The following CSMD1 variants were observed in gnomAD, a reference collection of about 807,000 sequenced individuals.
The protein encoded by CSMD1 is CUB and Sushi multiple domains 1, also known as CUB and sushi domain-containing protein 1.
CSMD1 carries 213 observed loss-of-function variants against 417.5 expected under a neutral mutation model. The observed-to-expected ratio is 0.51, with a 90% CI of 0.46 to 0.57. CSMD1 has a LOEUF of 0.57. CSMD1 is among the 20% of genes least tolerant of loss of function. The pLI is 0.00. For missense variants in CSMD1, 6,923 were observed against 4,529.7 expected (o/e 1.53, Z -15.17); for synonymous variants, 2,862 against 1,736.8 (o/e 1.65, Z -16.11).
At chr8:3,023,884 T>A (rs1270348994) in intron 51 of CSMD1, among the ~76,000 whole-genome samples, 1 of 149,308 alleles carries the variant, frequency 6.7e-6, no homozygotes, top group Non-Finnish European at 1.5e-5. Context: ...AAATGACTGC[T>A]CCTTACCTGC....
intron 2 of CSMD1, among the ~76,000 whole-genome samples, chr8:4,499,159 A>G (rs1802126339): frequency 6.6e-6 from 1 of 152,220 alleles, no homozygotes; most frequent in African/African-American, 2.4e-5. Flanking sequence ...ACCAACAGGA[A>G]GATGCCATCA....
chr8:2,957,686 T>G lies in CSMD1; in HGVS notation c.9814+10A>C. Reference sequence around the variant, plus strand: ...TGACTTGTGATGGGGGTGGAAGAAATCACACTTACGTATACATTCGGTCTG... The same window carrying G: ...TGACTTGTGATGGGGGTGGAAGAAAGCACACTTACGTATACATTCGGTCTG... On this transcript the variant is annotated intron_variant, in intron 63 of 69. Coordinates refer to ENST00000635120, the MANE Select transcript of CSMD1 (RefSeq NM_033225.6). 4 of 1,533,430 alleles carry G rather than the reference T, an allele frequency of 2.6e-6. No individual in the cohort carries two copies. The highest frequency in any genetic ancestry group is 8.9e-7 in the Non-Finnish European group (1 of 1,121,884). 95.0% of individuals were successfully genotyped at this position (1,533,430 alleles called of 1,614,324 possible). A position where few individuals can be genotyped will look rare whatever the true frequency, so the allele number is the denominator to read the frequency against.
intron 1 of CSMD1, among the ~76,000 whole-genome samples, chr8:4,745,698 C>A (rs1478617541): frequency 6.6e-6 from 1 of 152,166 alleles, no homozygotes; most frequent in Non-Finnish European, 1.5e-5. Context: ...TTCTTAGCTA[C>A]TGAGGGCTAT....
chr8:3,157,270 T>C (rs1819594967), intron 39 of CSMD1, among the ~76,000 whole-genome samples: 2 of 152,086 alleles, frequency 1.3e-5, no homozygotes, highest in Non-Finnish European at 2.9e-5. Context: ...TCACCAACCT[T>C]TGTACTGAGG....
At chr8:4,707,886 C>CAAAAAAAAAA (rs552510236) in intron 1 of CSMD1, among the ~76,000 whole-genome samples, 23 of 100,848 alleles carry the variant, frequency 2.3e-4, no homozygotes, top group South Asian at 7.3e-4. Flanking sequence ...GACTTTGTTT[C>CAAAAAAAAAA]AAAAAAAAAA....
rs748094912 is a variant in CSMD1 at position 4,304,305 on chromosome 8, T to G, written c.415+115648A>C. ...CGGGTAACATGTTCAATATAGAATATATAGAAGATATTTATTTTGTATGTC... is the reference window on the plus strand; with the variant it reads ...CGGGTAACATGTTCAATATAGAATAGATAGAAGATATTTATTTTGTATGTC... On this transcript the variant is annotated intron_variant, in intron 3 of 69. Transcript: ENST00000635120. Among the ~76,000 whole-genome samples the G allele has an allele frequency of 2.0e-5, 3 of 152,230 alleles. No individual in the cohort carries two copies. The South Asian group carries it at 6.2e-4, about 31-fold the overall frequency.
chr8:3,003,723 G>T (rs1807629672), intron 52 of CSMD1, among the ~76,000 whole-genome samples: 1 of 152,164 alleles, frequency 6.6e-6, no homozygotes, highest in African/African-American at 2.4e-5. Flanking sequence ...GACCTAGCAG[G>T]CTGGGAACGA....
chr8:3,840,816 C>A (rs1803087964), intron 5 of CSMD1, among the ~76,000 whole-genome samples: 1 of 151,742 alleles, frequency 6.6e-6, no homozygotes, highest in Non-Finnish European at 1.5e-5. Flanking sequence ...CTGTCTCAAC[C>A]TTCCAAGTAG....
intron 5 of CSMD1, among the ~76,000 whole-genome samples, chr8:3,918,421 G>C (rs942977742): frequency 4.6e-5 from 7 of 152,016 alleles, no homozygotes; most frequent in Non-Finnish European, 1.0e-4. Flanking sequence ...TTGTGGTTTT[G>C]ATTTGCGTTT....
chr8:4,873,172 T>C (rs79622938), intron 1 of CSMD1, among the ~76,000 whole-genome samples: 2,395 of 152,200 alleles, frequency 0.016, 78 homozygotes, highest in African/African-American at 0.056. Context: ...CATTTCAAAA[T>C]GATAGGAGGT....
At chr8:4,927,333 C>G (rs1222050566) in intron 1 of CSMD1, among the ~76,000 whole-genome samples, 1 of 152,036 alleles carries the variant, frequency 6.6e-6, no homozygotes, top group Non-Finnish European at 1.5e-5. Context: ...GGTAGGATTA[C>G]AGGTATGAGC....
intron 2 of CSMD1, among the ~76,000 whole-genome samples, chr8:4,564,414 G>A (rs1236605168): frequency 6.6e-6 from 1 of 152,150 alleles, no homozygotes; most frequent in African/African-American, 2.4e-5. Context: ...TCTGGACAGT[G>A]GAAATTCAAG....
chr8:4,201,337 G>T (rs538319955), intron 3 of CSMD1, among the ~76,000 whole-genome samples: 3 of 151,976 alleles, frequency 2.0e-5, no homozygotes, highest in African/African-American at 7.2e-5. Flanking sequence ...AGGAGATCGA[G>T]ACCATCTTGG....
At chr8:4,905,773 T>G (rs188072751) in intron 1 of CSMD1, among the ~76,000 whole-genome samples, 2 of 147,936 alleles carry the variant, frequency 1.4e-5, no homozygotes, top group Non-Finnish European at 3.0e-5. Context: ...TGAGCCGAGA[T>G]TGTGCCACTG....
rs553361742 is a variant in CSMD1 at position 4,746,434 on chromosome 8, G to GA, written c.86-108877dup. 8.5e-5 allele frequency among the ~76,000 whole-genome samples: 13 copies of GA among 152,282 alleles called. No individual in the cohort carries two copies. The South Asian group carries it at 2.7e-3, about 32-fold the overall frequency. ...ATGCAGCATTTTCTTCTTGCGAATG[G>GA]AAGTGGACTTGCTCACCACAATATC... On this transcript the variant is annotated intron_variant, in intron 1 of 69. Transcript: ENST00000635120.
intron 1 of CSMD1, among the ~76,000 whole-genome samples, chr8:4,907,605 G>C (rs1325768971): frequency 1.3e-5 from 2 of 152,078 alleles, no homozygotes; most frequent in Admixed American, 6.6e-5. Context: ...TGTTACCCAA[G>C]CTGAAGTGCA....
chr8:4,325,402 G>A (rs944007420), intron 3 of CSMD1, among the ~76,000 whole-genome samples: 2 of 152,120 alleles, frequency 1.3e-5, no homozygotes, highest in Non-Finnish European at 2.9e-5. Context: ...ACTGTGATCT[G>A]CCTTAGAAGG....
intron 2 of CSMD1, among the ~76,000 whole-genome samples, chr8:4,567,086 T>A (rs931240427): frequency 1.3e-5 from 2 of 151,558 alleles, no homozygotes; most frequent in African/African-American, 4.9e-5. Context: ...AATTTATTAA[T>A]CTGTATTTTA....
At chr8:3,729,366 A>T (rs1020648374) in intron 6 of CSMD1, among the ~76,000 whole-genome samples, 7 of 152,036 alleles carry the variant, frequency 4.6e-5, no homozygotes, top group Non-Finnish European at 1.5e-5. Flanking sequence ...GCCACCACTC[A>T]CTCGCCTTGG....
Sources: gnomAD v4.1 joint callset for allele counts (sites outside exome capture counted in the v4.1 genomes callset) on GRCh38, gnomAD v4.1.1 for gene constraint, MANE v1.5 for transcripts, NCBI Gene and HGNC (gene_info 2026-07-23, HGNC 2026-07-21) for gene names.